The following PTPRD variants were observed in gnomAD, a reference collection of about 807,000 sequenced individuals.
PTPRD encodes the protein protein tyrosine phosphatase receptor type D, also known as receptor-type tyrosine-protein phosphatase delta.
A neutral mutation model predicts 214.5 loss-of-function variants in PTPRD; 34 were observed. The observed-to-expected ratio is 0.16, with a 90% confidence interval of 0.12 to 0.21. The LOEUF (loss-of-function observed/expected upper bound fraction) is 0.21, where lower values mean the gene tolerates loss of function less well. Ranked by LOEUF, PTPRD falls within the 10% of genes least tolerant of loss-of-function variation. The pLI, the probability that PTPRD is intolerant of heterozygous loss-of-function variation, is 1.00. For synonymous variants in PTPRD, 1,128 were observed against 845.7 expected, an observed-to-expected ratio of 1.33 and a Z score of -5.79; for missense variants, 2,545 against 2,398.7, an observed-to-expected ratio of 1.06 and a Z score of -1.27.
At chr9:8,792,965 G>A (rs1397348540) in intron 11 of PTPRD, among the ~76,000 whole-genome samples, 1 of 152,048 alleles carries the variant, frequency 6.6e-6, no homozygotes, top group Non-Finnish European at 1.5e-5. Flanking sequence ...CATTTCAAGG[G>A]ATCAGTAGGA....
intron 7 of PTPRD, among the ~76,000 whole-genome samples, chr9:9,616,076 T>A (rs2094841017): frequency 6.6e-6 from 1 of 152,220 alleles, no homozygotes; most frequent in Non-Finnish European, 1.5e-5. Flanking sequence ...GACATGGTCT[T>A]TACCTTCTGA....
At chr9:9,827,489 T>C (rs1280204730) in intron 5 of PTPRD, among the ~76,000 whole-genome samples, 25 of 152,042 alleles carry the variant, frequency 1.6e-4, no homozygotes, top group South Asian at 1.0e-3. Flanking sequence ...TTCCTTACAC[T>C]TTATACAAAA....
chr9:8,389,592 A>T (rs904779), intron 36 of PTPRD, among the ~76,000 whole-genome samples, 185 bp from the exon 37 acceptor site: 147,477 of 152,194 alleles, frequency 0.97, 71,492 homozygotes, highest in East Asian at 1. Flanking sequence ...GTTAAAAAAA[A>T]GTATGCAAAA....
intron 5 of PTPRD, among the ~76,000 whole-genome samples, chr9:9,929,353 T>A (rs1230578955): frequency 6.6e-6 from 1 of 152,152 alleles, no homozygotes; most frequent in Non-Finnish European, 1.5e-5. Context: ...TCAAGGAGTA[T>A]TTTGCTTTTT....
At chr9:8,482,694 T>C (rs977522591) in intron 30 of PTPRD, among the ~76,000 whole-genome samples, 1 of 152,202 alleles carries the variant, frequency 6.6e-6, no homozygotes, top group Admixed American at 6.5e-5. Context: ...GTTGCCATTG[T>C]CTAGAGGATA....
At chr9:8,413,290 G>A (rs1189466497) in intron 35 of PTPRD, among the ~76,000 whole-genome samples, 1 of 152,100 alleles carries the variant, frequency 6.6e-6, no homozygotes. Flanking sequence ...TGCAGGTGGA[G>A]GGAACAGATG....
intron 7 of PTPRD, among the ~76,000 whole-genome samples, chr9:9,596,655 T>C (rs1429270956): frequency 6.6e-6 from 1 of 151,962 alleles, no homozygotes; most frequent in East Asian, 1.9e-4. Context: ...TAGTCTAGGG[T>C]ATGGTTCAGT....
chr9:9,967,276 C>A (rs2094771695), intron 4 of PTPRD, among the ~76,000 whole-genome samples: 1 of 147,630 alleles, frequency 6.8e-6, no homozygotes, highest in Non-Finnish European at 1.5e-5. Context: ...TGAATGTTAG[C>A]AATTCTTGTC....
At chr9:9,049,265 A>C (rs2099679932) in intron 10 of PTPRD, among the ~76,000 whole-genome samples, 1 of 152,170 alleles carries the variant, frequency 6.6e-6, no homozygotes, top group African/African-American at 2.4e-5. Context: ...ACTGAGAAAA[A>C]TGTTATCAAG....
In PTPRD at chr9:8,537,148, A is replaced by G. The variant is rs1244837180; in HGVS notation, c.353-8369T>C. Reference sequence around the variant, plus strand: ...ATTATTCAAAGTCAATTTTCCTGTAAGTGAATTGAATAAGGGACTGAAAAC... The same window carrying G: ...ATTATTCAAAGTCAATTTTCCTGTAGGTGAATTGAATAAGGGACTGAAAAC... On this transcript the variant is annotated intron_variant, in intron 14 of 45. Coordinates refer to ENST00000381196, the MANE Select transcript of PTPRD (RefSeq NM_002839.4). Among the ~76,000 whole-genome samples, 3 of 152,150 alleles carry G rather than the reference A, an allele frequency of 2.0e-5. No individual in the cohort carries two copies. In the East Asian group the frequency reaches 5.8e-4, roughly 29 times the overall value.
chr9:10,376,347 T>A (rs2097727681), intron 2 of PTPRD, among the ~76,000 whole-genome samples: 1 of 151,752 alleles, frequency 6.6e-6, no homozygotes, highest in Admixed American at 6.6e-5. Flanking sequence ...ATGTACAGCA[T>A]AAGAAAACTA....
At chr9:9,180,402 A>G (rs996540839) in intron 10 of PTPRD, among the ~76,000 whole-genome samples, 1 of 140,966 alleles carries the variant, frequency 7.1e-6, no homozygotes, top group Admixed American at 7.6e-5. Flanking sequence ...AACAATGAGA[A>G]CACATGGACA....
intron 11 of PTPRD, among the ~76,000 whole-genome samples, chr9:8,849,707 A>C (rs1248885696): frequency 6.6e-6 from 1 of 152,154 alleles, no homozygotes; most frequent in Admixed American, 6.5e-5. Flanking sequence ...CTCCTCAATG[A>C]CTGCAGGGAA....
chr9:9,175,606 G>A (rs2099924186), intron 10 of PTPRD, among the ~76,000 whole-genome samples: 2 of 120,276 alleles, frequency 1.7e-5, no homozygotes, highest in Admixed American at 2.0e-4. Flanking sequence ...TTGGGCAACA[G>A]AGTGAGACTC....
intron 11 of PTPRD, among the ~76,000 whole-genome samples, chr9:8,972,591 T>G (rs1328976268): frequency 1.3e-5 from 2 of 151,902 alleles, no homozygotes; most frequent in Admixed American, 1.3e-4. Context: ...GAATATTTAT[T>G]GAGGACTGTT....
At chr9:8,693,921 A>G (rs113266549) in intron 12 of PTPRD, among the ~76,000 whole-genome samples, 1,552 of 152,342 alleles carry the variant, frequency 0.01, 30 homozygotes, top group African/African-American at 0.036. Flanking sequence ...CCTAAATGCT[A>G]GATTGAGAAG....
At chr9:9,837,477 G>T (rs900099593) in intron 5 of PTPRD, among the ~76,000 whole-genome samples, 1 of 152,114 alleles carries the variant, frequency 6.6e-6, no homozygotes, top group African/African-American at 2.4e-5. Context: ...TTGATGGGAA[G>T]TAGGTCCAGT....
intron 43 of PTPRD, among the ~76,000 whole-genome samples, chr9:8,335,199 G>C (rs1252118356): frequency 6.6e-6 from 1 of 151,422 alleles, no homozygotes; most frequent in Admixed American, 6.6e-5. Context: ...CAACAAAAAA[G>C]AAAATTCCAG....
intron 11 of PTPRD, among the ~76,000 whole-genome samples, chr9:8,870,687 AACACACACACACACACACACACACACAC>A (rs3046878): frequency 3.8e-5 from 5 of 131,372 alleles, no homozygotes; most frequent in Non-Finnish European, 6.4e-5. Context: ...ACAGACATGA[AACACACACACACACACACACACACACAC>A]ACACACACAC....
Sources: allele counts gnomAD v4.1 joint callset (sites outside exome capture counted in the v4.1 genomes callset), GRCh38; gene constraint gnomAD v4.1.1; transcripts MANE v1.5; gene names NCBI Gene and HGNC (gene_info 2026-07-23, HGNC 2026-07-21).